DSCAM: variants seen among roughly 807,000 people sequenced by gnomAD.
DSCAM encodes DS cell adhesion molecule.
In DSCAM, 47 loss-of-function variants were observed where a neutral mutation model predicts 217.7. That is an observed-to-expected ratio of 0.22 (90% CI 0.17 to 0.28). The LOEUF (loss-of-function observed/expected upper bound fraction) is 0.28. Ranked by LOEUF, DSCAM falls within the 10% of genes least tolerant of loss-of-function variation. DSCAM has a pLI of 1.00. For synonymous variants in DSCAM, 1,056 were observed against 1,015.3 expected (o/e 1.04, Z -0.76); for missense variants, 2,080 against 2,618.3 (o/e 0.79, Z 4.49).
intron 19 of DSCAM, among the ~76,000 whole-genome samples, chr21:40,130,375 G>C (rs1424954041): frequency 3.3e-5 from 5 of 152,166 alleles, no homozygotes; most frequent in Non-Finnish European, 7.3e-5. Context: ...TGGGGTACAA[G>C]TTCTCACTGA....
chr21:40,622,779 C>T (rs1423595528), intron 3 of DSCAM, among the ~76,000 whole-genome samples: 2 of 151,642 alleles, frequency 1.3e-5, no homozygotes, highest in African/African-American at 2.4e-5. Flanking sequence ...TCTTCCCAGT[C>T]GTGCTTTCCA....
At chr21:40,236,842 G>A (rs76713040) in intron 11 of DSCAM, among the ~76,000 whole-genome samples, 2,709 of 152,296 alleles carry the variant, frequency 0.018, 94 homozygotes, top group African/African-American at 0.062. Flanking sequence ...TAGTGTCTGA[G>A]AGGAGGCTGC....
At chr21:40,330,318 T>C (rs1021195745) in intron 8 of DSCAM, among the ~76,000 whole-genome samples, 1 of 147,226 alleles carries the variant, frequency 6.8e-6, no homozygotes, top group African/African-American at 2.5e-5. Context: ...TAATAAATTA[T>C]ATATTTATTA....
chr21:40,585,419 CAAAAAAA>C (rs71186946), intron 3 of DSCAM, among the ~76,000 whole-genome samples: 1 of 87,010 alleles, frequency 1.1e-5, no homozygotes, highest in Non-Finnish European at 2.5e-5. Flanking sequence ...GACTCCGTCT[CAAAAAAA>C]AAAAAAAAAA....
At chr21:40,568,310 T>C (rs73366921) in intron 3 of DSCAM, among the ~76,000 whole-genome samples, 7,326 of 152,244 alleles carry the variant, frequency 0.048, 503 homozygotes, top group African/African-American at 0.15. Context: ...GGTTCAAATA[T>C]ATATATTTTT....
At chr21:40,800,235 C>A (rs2222984) in intron 1 of DSCAM, among the ~76,000 whole-genome samples, 68,257 of 151,982 alleles carry the variant, frequency 0.45, 17,214 homozygotes, top group South Asian at 0.64. Context: ...AATTACTTTT[C>A]TTTATAAATT....
At chr21:40,505,623 T>C (rs1006666406) in intron 3 of DSCAM, among the ~76,000 whole-genome samples, 2 of 152,202 alleles carry the variant, frequency 1.3e-5, no homozygotes, top group African/African-American at 4.8e-5. Flanking sequence ...AGTGCCTTAA[T>C]TTTCCCACCT....
intron 22 of DSCAM, among the ~76,000 whole-genome samples, chr21:40,086,851 C>T (rs1396873424): frequency 1.3e-5 from 2 of 152,216 alleles, no homozygotes; most frequent in African/African-American, 4.8e-5. Flanking sequence ...GCATTCATCT[C>T]AGTTACATGG....
At chr21:40,178,218 G>A (rs1016267223) in intron 15 of DSCAM, among the ~76,000 whole-genome samples, 4 of 152,060 alleles carry the variant, frequency 2.6e-5, no homozygotes, top group African/African-American at 4.8e-5. Flanking sequence ...TGAGTGGCTC[G>A]CAGTGTGTTA....
chr21:40,237,954 T>G lies in DSCAM; in HGVS notation c.2356+38143A>C, dbSNP rs139424456. On this transcript the variant is annotated intron_variant, in intron 11 of 32. Transcript: ENST00000400454. ...TAATCACATCTGCAAAGGCATTTTG[T>G]CATGTAAAGTAATACATTCACAGAT... 2.2e-4 allele frequency among the ~76,000 whole-genome samples: 34 copies of G among 152,346 alleles called. No homozygotes were observed. The East Asian group carries it at 6.0e-3, about 27-fold the overall frequency.
At chr21:40,791,914 G>A (rs1311471327) in intron 1 of DSCAM, among the ~76,000 whole-genome samples, 1 of 152,042 alleles carries the variant, frequency 6.6e-6, no homozygotes, top group Non-Finnish European at 1.5e-5. Context: ...TTCAGGACTA[G>A]AGATGGTGTC....
intron 1 of DSCAM, among the ~76,000 whole-genome samples, chr21:40,781,212 G>T (rs2091541537): frequency 6.6e-6 from 1 of 152,004 alleles, no homozygotes; most frequent in South Asian, 2.1e-4. Flanking sequence ...TAGAGATGGG[G>T]TTTCACCATG....
At chr21:40,843,248 C>A (rs1454567711) in intron 1 of DSCAM, among the ~76,000 whole-genome samples, 2 of 152,034 alleles carry the variant, frequency 1.3e-5, no homozygotes, top group Non-Finnish European at 1.5e-5. Flanking sequence ...TTAATGAGCA[C>A]CTTCTTACTC....
intron 9 of DSCAM, among the ~76,000 whole-genome samples, chr21:40,306,991 T>C (rs2074084886): frequency 6.6e-6 from 1 of 152,214 alleles, no homozygotes. Flanking sequence ...CTTTTTCTAT[T>C]GATTGGAATA....
At chr21:40,277,372 C>T (rs1255941250) in intron 10 of DSCAM, among the ~76,000 whole-genome samples, 5 of 152,172 alleles carry the variant, frequency 3.3e-5, no homozygotes, top group Non-Finnish European at 7.3e-5. Flanking sequence ...CTTCCTCTTG[C>T]TGTCTCCATA....
intron 3 of DSCAM, among the ~76,000 whole-genome samples, chr21:40,576,575 A>G (rs2076852129): frequency 6.6e-6 from 1 of 152,182 alleles, no homozygotes; most frequent in South Asian, 2.1e-4. Context: ...TCAAAAAATC[A>G]TTTAAGAGAA....
intron 3 of DSCAM, among the ~76,000 whole-genome samples, chr21:40,408,297 G>T (rs562716087): frequency 1.3e-5 from 2 of 152,158 alleles, no homozygotes; most frequent in East Asian, 1.9e-4. Context: ...GTGATAGGGT[G>T]GGGGGACAGG....
intron 1 of DSCAM, among the ~76,000 whole-genome samples, chr21:40,730,822 A>T (rs2091004023): frequency 6.6e-6 from 1 of 152,206 alleles, no homozygotes; most frequent in South Asian, 2.1e-4. Context: ...ACAATATAGC[A>T]CATGCAACTT....
intron 1 of DSCAM, among the ~76,000 whole-genome samples, chr21:40,832,571 T>C (rs902313686): frequency 1.3e-5 from 2 of 152,166 alleles, no homozygotes; most frequent in Admixed American, 6.5e-5. Flanking sequence ...TGGTAATATA[T>C]GGTATCATCG....
Sources: allele counts gnomAD v4.1 joint callset (sites outside exome capture counted in the v4.1 genomes callset), GRCh38; gene constraint gnomAD v4.1.1; transcripts MANE v1.5; gene names NCBI Gene and HGNC (gene_info 2026-07-23, HGNC 2026-07-21).